The following UBAP1 variants were observed in gnomAD, a reference collection of about 807,000 sequenced individuals.
UBAP1 encodes the protein ubiquitin associated protein 1.
In UBAP1, 5 loss-of-function variants were observed where a neutral mutation model predicts 39.0. That is an observed-to-expected ratio of 0.13 (90% CI 0.07 to 0.27). The LOEUF is 0.27. UBAP1 is among the 10% of genes least tolerant of loss of function. UBAP1 has a pLI of 1.00. For missense variants in UBAP1, 490 were observed against 608.1 expected (o/e 0.81, Z 2.04); for synonymous variants, 211 against 225.1 (o/e 0.94, Z 0.56).
chr9:34,179,796 A>G (rs1245209469), intron 1 of UBAP1, among the ~76,000 whole-genome samples: 3 of 152,112 alleles, frequency 2.0e-5, no homozygotes, highest in Non-Finnish European at 4.4e-5. Context: ...AGGCTTACCT[A>G]TACAGTCCAC....
chr9:34,188,427 T>G (rs986483900), intron 1 of UBAP1, among the ~76,000 whole-genome samples: 1 of 39,676 alleles, frequency 2.5e-5, no homozygotes, highest in African/African-American at 6.0e-5. Flanking sequence ...CTTCAGCTTT[T>G]TTTTTTTTTT....
chr9:34,214,251 C>A (rs1213944646), intron 1 of UBAP1, among the ~76,000 whole-genome samples: 1 of 152,128 alleles, frequency 6.6e-6, no homozygotes, highest in African/African-American at 2.4e-5. Context: ...GGAGGCATCA[C>A]ACTACCTGAT....
Position 34,182,589 on chromosome 9 carries a change from G to A in UBAP1, c.-8+3349G>A, listed in dbSNP as rs76171239. On this transcript the variant is annotated intron_variant, in intron 1 of 6. Coordinates refer to ENST00000297661, the MANE Select transcript of UBAP1 (RefSeq NM_016525.5). ...TAAATGCCAATATTACAAGCTTTTC[G>A]TGTTCTTTTTTCTTTTTCTTTCTTT... 4.0e-5 allele frequency among the ~76,000 whole-genome samples: 6 copies of A among 150,604 alleles called. 1 individual carries two copies. The highest frequency in any genetic ancestry group is 5.9e-5 in the Non-Finnish European group (4 of 67,714).
At chr9:34,239,908 G>A (rs542819350) in intron 3 of UBAP1, among the ~76,000 whole-genome samples, 4 of 151,966 alleles carry the variant, frequency 2.6e-5, no homozygotes, top group South Asian at 4.2e-4. Flanking sequence ...TCCCTGCACC[G>A]CACCCTGCTT....
At chr9:34,250,386 TGGA>T (rs1320815899) in intron 5 of UBAP1, among the ~76,000 whole-genome samples, 1 of 152,228 alleles carries the variant, frequency 6.6e-6, no homozygotes. Context: ...GCCCAGGCTG[TGGA>T]GTTGACCATT....
intron 1 of UBAP1, among the ~76,000 whole-genome samples, chr9:34,199,311 G>A (rs1166961259): frequency 2.0e-5 from 3 of 152,162 alleles, no homozygotes; most frequent in African/African-American, 7.2e-5. Flanking sequence ...CTGACCTTGT[G>A]ATCCCCCCGC....
At chr9:34,207,683 G>T (rs1831790340) in intron 1 of UBAP1, among the ~76,000 whole-genome samples, 1 of 150,348 alleles carries the variant, frequency 6.7e-6, no homozygotes. Flanking sequence ...TAAAGAGATG[G>T]GATCTTGCAA....
chr9:34,186,697 T>C (rs908841344), intron 1 of UBAP1, among the ~76,000 whole-genome samples: 1 of 152,106 alleles, frequency 6.6e-6, no homozygotes, highest in African/African-American at 2.4e-5. Flanking sequence ...CCTATTTTTT[T>C]GGTCTTTTCT....
At chr9:34,194,453 C>T (rs1021238346) in intron 1 of UBAP1, among the ~76,000 whole-genome samples, 1 of 151,828 alleles carries the variant, frequency 6.6e-6, no homozygotes, top group South Asian at 2.1e-4. Flanking sequence ...CAGCTGGGAC[C>T]ACAGGCACCT....
At position 34,196,599 on chromosome 9, in the gene UBAP1, G is replaced by A. The variant is rs186059797; in HGVS notation, c.-8+17359G>A. 3.3e-3 allele frequency among the ~76,000 whole-genome samples: 502 copies of A among 151,958 alleles called. 3 individuals carry two copies. The highest frequency in any genetic ancestry group is 0.011 in the African/African-American group (440 of 41,448). On this transcript the variant is annotated intron_variant, in intron 1 of 6. Coordinates refer to ENST00000297661, the MANE Select transcript of UBAP1 (RefSeq NM_016525.5). ...CCCAAAGTGCTGGGATTACGGCCAC[G>A]GCGCCCAGCCTAAATAATTTTTTTT...
At chr9:34,208,709 C>T (rs535398240) in intron 1 of UBAP1, among the ~76,000 whole-genome samples, 11 of 147,722 alleles carry the variant, frequency 7.4e-5, no homozygotes, top group South Asian at 2.2e-4. Context: ...ACCTGGGAGG[C>T]GGAGTTTGCA....
chr9:34,190,011 C>G (rs924010943), intron 1 of UBAP1, among the ~76,000 whole-genome samples: 1 of 152,108 alleles, frequency 6.6e-6, no homozygotes, highest in Non-Finnish European at 1.5e-5. Context: ...AACTTAACAA[C>G]TTTTGTTTTC....
At chr9:34,187,223 T>C (rs1255709981) in intron 1 of UBAP1, among the ~76,000 whole-genome samples, 1 of 152,218 alleles carries the variant, frequency 6.6e-6, no homozygotes, top group East Asian at 1.9e-4. Context: ...GTGCTTGTTG[T>C]ATCAAATTTG....
At chr9:34,217,780 GTTCTTTTTTTTTTT>G (rs1408910938) in intron 1 of UBAP1, among the ~76,000 whole-genome samples, 45 of 29,418 alleles carry the variant, frequency 1.5e-3, no homozygotes, top group African/African-American at 4.8e-3. Flanking sequence ...ACAGGATTTC[GTTCTTTTTTTTTTT>G]TTTTTTTTTT....
At position 34,250,586 on chromosome 9, in the gene UBAP1, GT is replaced by G. The variant is rs1236724508; in HGVS notation, c.1267-69del. On this transcript the variant is annotated intron_variant, in intron 5 of 6. Coordinates refer to ENST00000297661, the MANE Select transcript of UBAP1 (RefSeq NM_016525.5). ...GGCGGAGAACGGACTTCACACACTA[GT>G]TTGTTGAGGTCTCTTGGAAAGCACA... 10 of 1,256,180 alleles carry G rather than the reference GT, an allele frequency of 8.0e-6. No homozygotes were observed. In the Admixed American group the frequency reaches 1.2e-4, roughly 14 times the overall value. 77.8% of individuals were successfully genotyped at this position (1,256,180 alleles called of 1,614,324 possible).
chr9:34,227,421 T>TA (rs1189182845), intron 2 of UBAP1, among the ~76,000 whole-genome samples: 2 of 152,322 alleles, frequency 1.3e-5, no homozygotes, highest in South Asian at 4.1e-4. Context: ...ATCTTCTTTT[T>TA]AAAAAAACCT....
At chr9:34,248,386 C>T (rs1352440403) in intron 4 of UBAP1, among the ~76,000 whole-genome samples, 2 of 152,188 alleles carry the variant, frequency 1.3e-5, no homozygotes, top group Non-Finnish European at 2.9e-5. Context: ...TGTATGCCTG[C>T]ATCCCACCAG....
At chr9:34,181,116 C>CTTTTTTTTTTTTTTTTTTTTTTTTT (rs67856544) in intron 1 of UBAP1, among the ~76,000 whole-genome samples, 6 of 72,238 alleles carry the variant, frequency 8.3e-5, no homozygotes, top group African/African-American at 1.1e-4. Context: ...GGCCTGTTTT[C>CTTTTTTTTTTTTTTTTTTTTTTTTT]TTTTTTTTTT....
chr9:34,240,170 T>C (rs1486365385), intron 3 of UBAP1, among the ~76,000 whole-genome samples: 1 of 152,144 alleles, frequency 6.6e-6, no homozygotes, highest in Non-Finnish European at 1.5e-5. Flanking sequence ...CCATTAGTGG[T>C]AGAAAGGAAG....
Sources: allele counts gnomAD v4.1 joint callset (sites outside exome capture counted in the v4.1 genomes callset), GRCh38; gene constraint gnomAD v4.1.1; transcripts MANE v1.5; gene names NCBI Gene and HGNC (gene_info 2026-07-23, HGNC 2026-07-21).